SYNE2: variants seen among roughly 807,000 people sequenced by gnomAD.
SYNE2 encodes the protein spectrin repeat containing nuclear envelope protein 2.
In SYNE2, 431 loss-of-function variants were observed where a neutral mutation model predicts 856.3. The ratio of observed to expected loss-of-function variants is 0.50; its 90% CI spans 0.47 to 0.55. The LOEUF is 0.55. Among genes scored for constraint, SYNE2 ranks in the 20% least tolerant of loss-of-function variants. The pLI is 0.00. For synonymous variants in SYNE2, 2,923 were observed against 2,872.3 expected, an observed-to-expected ratio of 1.02 and a Z score of -0.56; for missense variants, 8,129 against 8,023.2, an observed-to-expected ratio of 1.01 and a Z score of -0.50.
intron 58 of SYNE2, 24 bp from the exon 59 acceptor site, chr14:64,089,549 TC>T: frequency 6.3e-7 from 1 of 1,599,726 alleles, no homozygotes; most frequent in Non-Finnish European, 8.6e-7. Flanking sequence ...ATATATTGCA[TC>T]AGTGTGTTCT....
At chr14:63,925,680 C>T (rs1394627891) in intron 2 of SYNE2, among the ~76,000 whole-genome samples, 3 of 152,122 alleles carry the variant, frequency 2.0e-5, no homozygotes, top group South Asian at 2.1e-4. Context: ...CCTTCCCAGC[C>T]GCTGGTAACC....
chr14:63,949,021 A>T (rs1008414713), intron 6 of SYNE2, among the ~76,000 whole-genome samples: 2 of 151,792 alleles, frequency 1.3e-5, no homozygotes, highest in African/African-American at 4.8e-5. Flanking sequence ...TGCTTGCCAG[A>T]TCAGTGCTAA....
intron 1 of SYNE2, among the ~76,000 whole-genome samples, chr14:63,854,527 C>T (rs181675154): frequency 1.3e-5 from 2 of 152,326 alleles, no homozygotes; most frequent in East Asian, 1.9e-4. Context: ...CGGCCAGCCC[C>T]CTGGGGCGGT....
At chr14:63,950,154 G>A (rs2096127718) in intron 7 of SYNE2, 148 bp downstream of exon 7, 1 of 955,276 alleles carries the variant, frequency 1.0e-6, no homozygotes, top group African/African-American at 1.6e-5. Context: ...GGAAGCCCAA[G>A]AGCTCAGCCA....
chr14:63,880,814 A>C (rs2094843201), intron 1 of SYNE2, among the ~76,000 whole-genome samples: 1 of 151,354 alleles, frequency 6.6e-6, no homozygotes, highest in Admixed American at 6.6e-5. Flanking sequence ...TTGGGACTAC[A>C]GGCATGTGCC....
At chr14:64,079,009 T>A (rs1234526040) in intron 55 of SYNE2, among the ~76,000 whole-genome samples, 1 of 152,038 alleles carries the variant, frequency 6.6e-6, no homozygotes, top group Non-Finnish European at 1.5e-5. Flanking sequence ...GAGATGGAGG[T>A]TGCAATGAGC....
chr14:64,138,912 TTGTGTGTG>T (rs143789075), intron 79 of SYNE2, among the ~76,000 whole-genome samples: 2 of 144,230 alleles, frequency 1.4e-5, no homozygotes, highest in African/African-American at 2.6e-5. Context: ...CAAATGCTGG[TTGTGTGTG>T]TGTGTGTGTG....
chr14:63,796,777 G>A (rs965956847), intron 1 of SYNE2, among the ~76,000 whole-genome samples: 1 of 150,856 alleles, frequency 6.6e-6, no homozygotes, highest in Admixed American at 6.6e-5. Context: ...CTGTAAATTG[G>A]CATTATGCTC....
intron 36 of SYNE2, 49 bp from the exon 37 acceptor site, chr14:64,021,808 T>G: frequency 6.3e-7 from 1 of 1,592,260 alleles, no homozygotes; most frequent in Non-Finnish European, 8.6e-7. Flanking sequence ...CTTTGTGTAA[T>G]TTGAGCCTGT....
intron 8 of SYNE2, among the ~76,000 whole-genome samples, chr14:63,956,802 G>A (rs761240301): frequency 3.9e-5 from 6 of 152,080 alleles, no homozygotes; most frequent in Non-Finnish European, 8.8e-5. Flanking sequence ...CATTTACGTT[G>A]TATTGGATAT....
chr14:63,969,404 A>G (rs1255893), intron 11 of SYNE2, among the ~76,000 whole-genome samples: 74,517 of 144,364 alleles, frequency 0.52, 20,204 homozygotes, highest in African/African-American at 0.7. Flanking sequence ...GCAGGGGTGC[A>G]ATCTCGGCTC....
intron 99 of SYNE2, among the ~76,000 whole-genome samples, chr14:64,194,261 T>C (rs1411233541): frequency 6.6e-6 from 1 of 151,314 alleles, no homozygotes; most frequent in African/African-American, 2.4e-5. Context: ...AAACTTTTTT[T>C]ATCTGTGTCT....
intron 45 of SYNE2, among the ~76,000 whole-genome samples, chr14:64,031,843 G>A (rs893115802): frequency 6.6e-6 from 1 of 152,166 alleles, no homozygotes; most frequent in East Asian, 1.9e-4. Context: ...TAGGCTCCTA[G>A]CTTTCCCTAG....
At chr14:63,936,124 T>C (rs1032837305) in intron 2 of SYNE2, among the ~76,000 whole-genome samples, 2 of 152,136 alleles carry the variant, frequency 1.3e-5, no homozygotes, top group African/African-American at 2.4e-5. Context: ...CCGCCCACCT[T>C]GGCCTCCCAA....
At chr14:64,056,686 T>G (rs2153581270) in intron 49 of SYNE2, among the ~76,000 whole-genome samples, 1 of 152,092 alleles carries the variant, frequency 6.6e-6, no homozygotes, top group Admixed American at 6.5e-5. Context: ...TTTTTTTTTT[T>G]TGAGACAAAG....
At chr14:64,013,033 G>C (rs527263749) in intron 32 of SYNE2, among the ~76,000 whole-genome samples, 3 of 152,178 alleles carry the variant, frequency 2.0e-5, no homozygotes, top group Non-Finnish European at 4.4e-5. Context: ...AGTTAGACTA[G>C]AAGGCTGGAA....
At chr14:63,998,400 TAA>T in intron 26 of SYNE2, 72 bp downstream of exon 26, 1 of 1,039,782 alleles carries the variant, frequency 9.6e-7, no homozygotes, top group Admixed American at 1.9e-5. Flanking sequence ...TTAGACTTTT[TAA>T]AAGTTTTATT....
At chr14:63,805,185 G>T (rs1888311539) in intron 1 of SYNE2, among the ~76,000 whole-genome samples, 1 of 152,116 alleles carries the variant, frequency 6.6e-6, no homozygotes, top group Non-Finnish European at 1.5e-5. Context: ...TGTTCTTTTT[G>T]CTTAGAATTG....
chr14:64,078,680 A>T, intron 55 of SYNE2, 74 bp downstream of exon 55: 1 of 1,555,974 alleles, frequency 6.4e-7, no homozygotes, highest in Non-Finnish European at 8.8e-7. Flanking sequence ...CAGTCACCAC[A>T]GGGTGAGTTC....
Sources: allele counts gnomAD v4.1 joint callset (sites outside exome capture counted in the v4.1 genomes callset), GRCh38; gene constraint gnomAD v4.1.1; transcripts MANE v1.5; gene names NCBI Gene and HGNC (gene_info 2026-07-23, HGNC 2026-07-21).